PLCH2: variants seen among roughly 807,000 people sequenced by gnomAD.
PLCH2 encodes 1-phosphatidylinositol 4,5-bisphosphate phosphodiesterase eta-2.
In PLCH2, 98 loss-of-function variants were observed where a neutral mutation model predicts 134.7. The observed-to-expected ratio is 0.73, with a 90% CI of 0.62 to 0.86. The LOEUF (loss-of-function observed/expected upper bound fraction) is 0.86, where lower values mean the gene tolerates loss of function less well. Among genes scored for constraint, PLCH2 ranks in the 40% least tolerant of loss-of-function variants. The pLI is 0.00. For missense variants in PLCH2, 1,994 were observed against 1,986.6 expected, an observed-to-expected ratio of 1.00 and a Z score of -0.07; for synonymous variants, 974 against 827.5, an observed-to-expected ratio of 1.18 and a Z score of -3.04.
At chr1:2,460,609 C>T (rs1243577215) in intron 2 of PLCH2, among the ~76,000 whole-genome samples, 2 of 152,196 alleles carry the variant, frequency 1.3e-5, no homozygotes, top group Admixed American at 6.5e-5. Context: ...ATATTTTTAA[C>T]GATGCAAGCA....
upstream of PLCH2, among the ~76,000 whole-genome samples, chr1:2,473,071 C>T (rs187180409): frequency 1.6e-4 from 25 of 152,138 alleles, no homozygotes; most frequent in East Asian, 1.4e-3. Context: ...AGGACAAGAT[C>T]GATCTCCGCC....
chr1:2,459,971 C>T (rs925572036), intron 2 of PLCH2, among the ~76,000 whole-genome samples: 17 of 152,244 alleles, frequency 1.1e-4, no homozygotes, highest in African/African-American at 3.9e-4. Context: ...TCTGTTCGCT[C>T]CCCTCTGGCC....
chr1:2,483,531 A>C (rs1642087308), intron 4 of PLCH2, among the ~76,000 whole-genome samples: 1 of 152,114 alleles, frequency 6.6e-6, no homozygotes, highest in African/African-American at 2.4e-5. Context: ...CTGGGGTGTC[A>C]CACTGGGGCC....
chr1:2,467,499 G>A (rs941543362), exon 1 of PLCH2: 3 of 396,670 alleles, frequency 7.6e-6, no homozygotes, highest in East Asian at 3.6e-5. Flanking sequence ...GGCTGCGATC[G>A]GCATGGGCTC....
chr1:2,502,372 C>T lies in PLCH2; in HGVS notation c.2922C>T (p.Ala974=). The T allele has an allele frequency of 2.6e-6, 4 of 1,542,630 alleles. No individual in the cohort carries two copies. Among genetic ancestry groups the T allele is most frequent in the Non-Finnish European group, 3.5e-6 (4 of 1,145,224 alleles). Residue 974 remains alanine, a synonymous_variant, in exon 21 of 22, where the codon GCC becomes GCT. Coordinates refer to ENST00000378486, the MANE Select transcript of PLCH2 (RefSeq NM_014638.4). ...CCGGGCCCGGACCTGCTCCGGAAGC[C>T]CCAGCCCAGGAGGGGCCCGGCAGCG... ...VPPGPGPAPE[A]PAQEGPGSGS...
At chr1:2,458,070 T>C (rs1448762407) in intron 2 of PLCH2, among the ~76,000 whole-genome samples, 8 of 151,932 alleles carry the variant, frequency 5.3e-5, no homozygotes. Context: ...GGCCCCAGGC[T>C]GTGTGTGTGA....
At position 2,448,701 on chromosome 1, in the gene PLCH2, C is replaced by A. The variant is rs1335963392; in HGVS notation, c.115+18072C>A. 6.6e-6 allele frequency among the ~76,000 whole-genome samples: 1 copy of A among 152,066 alleles called. No individual in the cohort carries two copies. Among genetic ancestry groups the A allele is most frequent in the Non-Finnish European group, 1.5e-5 (1 of 67,996 alleles). On this transcript the variant is annotated intron_variant, in intron 2 of 3. Coordinates refer to the PLCH2 transcript ENST00000609981. The surrounding 1 kb of genome is among the most constrained non-coding windows in gnomAD (Gnocchi z 4.0). ...CACGCTGCTGAGGTCCCACAGGCCC[C>A]CTGGCGCAGCCTCCTGGCTCCCCAC...
At chr1:2,480,156 G>T in intron 3 of PLCH2, 27 bp from the exon 4 acceptor site, 1 of 1,611,902 alleles carries the variant, frequency 6.2e-7, no homozygotes, top group Non-Finnish European at 8.5e-7. Context: ...CCCATGGATC[G>T]CTGTTGGCCC....
At chr1:2,491,063 G>T in intron 10 of PLCH2, 129 bp from the exon 11 acceptor site, 1 of 869,900 alleles carries the variant, frequency 1.1e-6, no homozygotes. Flanking sequence ...CTGCCTGCAG[G>T]CCCTGAGGTG....
At position 2,502,202 on chromosome 1, in the gene PLCH2, C is replaced by A; in HGVS notation, c.2752C>A (p.Arg918=). ...TCATGCTGCTGGGCGGCCCCCGGCC[C>A]GGCCCTCCGTTAGCCAGCGGATCCT... ...DSHAAGRPPA[R]PSVSQRILRR... is the part of the protein sequence containing the mutation. The change falls in exon 21 of 22, where the codon CGG becomes AGG. Residue 918 remains arginine (R), a synonymous_variant. Transcript: ENST00000378486. 1 of 1,537,550 alleles carries A rather than the reference C, an allele frequency of 6.5e-7. No homozygotes were observed. Among genetic ancestry groups the A allele is most frequent in the South Asian group, 1.2e-5 (1 of 83,388 alleles).
At chr1:2,440,885 C>T (rs546379123) in intron 2 of PLCH2, among the ~76,000 whole-genome samples, 49 of 152,348 alleles carry the variant, frequency 3.2e-4, no homozygotes. Flanking sequence ...TTGGCCACGT[C>T]CCCCCGGGAA....
At chr1:2,502,779 G>A (rs748213089) in intron 21 of PLCH2, 8 of 716,868 alleles carry the variant, frequency 1.1e-5, no homozygotes, top group South Asian at 7.4e-5. Flanking sequence ...GACAGCCCGG[G>A]CATCCCCGAA....
chr1:2,418,230 T>G, the PLCH2 span, among the ~76,000 whole-genome samples: 2 of 152,218 alleles, frequency 1.3e-5, no homozygotes, highest in Non-Finnish European at 2.9e-5. Flanking sequence ...TTTTGGAAAC[T>G]GCACTGAACT....
chr1:2,478,370 G>A (rs570622192), intron 1 of PLCH2, 106 bp from the exon 2 acceptor site: 1 of 1,392,410 alleles, frequency 7.2e-7, no homozygotes, highest in African/African-American at 1.4e-5. Flanking sequence ...TCCGCTGACG[G>A]CCGTGTTTCT....
chr1:2,502,613 C>T, intron 21 of PLCH2: 1 of 694,728 alleles, frequency 1.4e-6, no homozygotes. Flanking sequence ...CATTCGCCAG[C>T]AGCCCCGGGC....
intron 8 of PLCH2, 145 bp downstream of exon 8, chr1:2,487,863 C>T: frequency 1.3e-6 from 1 of 781,226 alleles, no homozygotes; most frequent in Non-Finnish European, 2.0e-6. Context: ...TCTGGCATCT[C>T]TGGTTGAGGA....
intron 10 of PLCH2, 144 bp downstream of exon 10, chr1:2,490,011 C>T (rs895954074): frequency 5.7e-5 from 37 of 649,206 alleles, no homozygotes; most frequent in Middle Eastern, 8.4e-4. Flanking sequence ...CGGCCTGGGG[C>T]CTGGGGGGTC....
chr1:2,466,289 TGA>T (rs925457011), upstream of PLCH2, among the ~76,000 whole-genome samples: 2 of 152,010 alleles, frequency 1.3e-5, no homozygotes, highest in African/African-American at 4.8e-5. Flanking sequence ...GAATGGGTCG[TGA>T]GAGAGACTGT....
the PLCH2 span, among the ~76,000 whole-genome samples, chr1:2,419,225 C>G: frequency 1.3e-4 from 20 of 152,316 alleles, no homozygotes; most frequent in African/African-American, 4.3e-4. Flanking sequence ...TCTGCACGGT[C>G]GAGCTTCAAT....
Sources: allele counts gnomAD v4.1 joint callset (sites outside exome capture counted in the v4.1 genomes callset), GRCh38; gene constraint gnomAD v4.1.1; non-coding constraint Gnocchi (gnomAD v3.1); transcripts MANE v1.5; gene names NCBI Gene and HGNC (gene_info 2026-07-23, HGNC 2026-07-21).